NME9: variants seen among roughly 807,000 people sequenced by gnomAD.
NME9 encodes thioredoxin domain-containing protein 6.
A neutral mutation model predicts 44.4 loss-of-function variants in NME9; 48 were observed. That is an observed-to-expected ratio of 1.08 (90% CI 0.86 to 1.37). The LOEUF (loss-of-function observed/expected upper bound fraction) is 1.37, where lower values mean the gene tolerates loss of function less well. Among genes scored for constraint, NME9 ranks in the 40% most tolerant of loss-of-function variants. The probability of loss-of-function intolerance (pLI) is 0.00; values close to 1 mark genes in which losing one functional copy is unlikely to be tolerated. For synonymous variants in NME9, 139 were observed against 147.1 expected, an observed-to-expected ratio of 0.94 and a Z score of 0.40; for missense variants, 325 against 405.2, an observed-to-expected ratio of 0.80 and a Z score of 1.70.
chr3:138,328,984 A>G (rs2053962718), intron 1 of NME9, among the ~76,000 whole-genome samples: 1 of 152,224 alleles, frequency 6.6e-6, no homozygotes. Context: ...ACATCGAGTT[A>G]TGTTGATTCG....
At chr3:138,289,443 G>T (rs1291062488) in intron 8 of NME9, among the ~76,000 whole-genome samples, 1 of 152,212 alleles carries the variant, frequency 6.6e-6, no homozygotes, top group Non-Finnish European at 1.5e-5. Context: ...GAGAGAGTGG[G>T]TGGGAGGATG....
intron 10 of NME9, among the ~76,000 whole-genome samples, 196 bp from the exon 11 acceptor site, chr3:138,301,900 T>TG: frequency 6.6e-6 from 1 of 152,248 alleles, no homozygotes; most frequent in Non-Finnish European, 1.5e-5. Context: ...TTGTGTCAGA[T>TG]GCCAGACCAA....
intron 8 of NME9, among the ~76,000 whole-genome samples, chr3:138,287,117 A>G (rs945902475): frequency 2.0e-5 from 3 of 152,114 alleles, no homozygotes; most frequent in Non-Finnish European, 4.4e-5. Flanking sequence ...TGTCACTCCA[A>G]TCCCTTCAGC....
chr3:138,315,442 G>A, intron 5 of NME9, 85 bp downstream of exon 5: 3 of 888,464 alleles, frequency 3.4e-6, no homozygotes, highest in Non-Finnish European at 5.3e-6. Context: ...CTCCAGGAAA[G>A]TCAGGTGAAG....
Position 138,329,306 on chromosome 3 carries a change from C to T in NME9, c.30G>A (p.Leu10=), listed in dbSNP as rs2053982162. 1 of 1,536,072 alleles carries T rather than the reference C, an allele frequency of 6.5e-7. No homozygotes were observed. The part of the protein sequence containing the change: MGSRKKEIA[L]QVNISTQELW... ...GCTAGCGCCCCTTGAGGCTTACCTG[C>T]AGGGCAATTTCCTTCTTCCTGCTGC... The change falls in exon 1 of 11, where the codon CTG becomes CTA. Residue 10 remains leucine (L), a synonymous_variant. Transcript: ENST00000333911.
At chr3:138,270,688 A>G (rs1560023111) in intron 8 of NME9, among the ~76,000 whole-genome samples, 1 of 152,146 alleles carries the variant, frequency 6.6e-6, no homozygotes, top group Non-Finnish European at 1.5e-5. Context: ...ATATTTAACC[A>G]TTTTTTGCAG....
At chr3:138,288,200 G>T (rs1014016231) in intron 8 of NME9, among the ~76,000 whole-genome samples, 2 of 152,170 alleles carry the variant, frequency 1.3e-5, no homozygotes, top group African/African-American at 4.8e-5. Flanking sequence ...TTGTGTGTGT[G>T]TGAAAGTCTA....
chr3:138,274,386 G>A lies in NME9; in HGVS notation c.746-11800C>T, dbSNP rs2049075063. The A allele has an allele frequency of 1.2e-5, 13 of 1,080,398 alleles. No individual in the cohort carries two copies. In the East Asian group the frequency reaches 3.1e-4, roughly 26 times the overall value. The allele number at this position is 1,080,398 out of a possible 1,614,324, so 66.9% of individuals were successfully genotyped here. A position where few individuals can be genotyped will look rare whatever the true frequency, so the allele number is the denominator to read the frequency against. On this transcript the variant is annotated intron_variant, in intron 8 of 8. Coordinates refer to the NME9 transcript ENST00000317876. ...AATCATATTGTTTTAACTTTTAGAAGCCTTGTATTCGTCCTGTGGTCTTTG... is the reference window on the plus strand; with the variant it reads ...AATCATATTGTTTTAACTTTTAGAAACCTTGTATTCGTCCTGTGGTCTTTG...
downstream of NME9, among the ~76,000 whole-genome samples, chr3:138,300,636 G>A (rs572019744): frequency 6.6e-6 from 1 of 152,338 alleles, no homozygotes; most frequent in South Asian, 2.1e-4. Context: ...GCTAAGCCAG[G>A]CAATTCAGTG....
chr3:138,283,873 A>G (rs1197743954), intron 8 of NME9, among the ~76,000 whole-genome samples: 2 of 152,118 alleles, frequency 1.3e-5, no homozygotes, highest in Non-Finnish European at 2.9e-5. Context: ...TTCCCCTAAC[A>G]GGGTTCAAAA....
intron 2 of NME9, among the ~76,000 whole-genome samples, chr3:138,323,172 T>C (rs2053572388): frequency 6.6e-6 from 1 of 152,110 alleles, no homozygotes; most frequent in Admixed American, 6.6e-5. Context: ...TCCCAGCACT[T>C]TGGGAGGCCC....
chr3:138,295,453 C>T (rs1217292130), intron 8 of NME9, among the ~76,000 whole-genome samples: 2 of 152,216 alleles, frequency 1.3e-5, no homozygotes, highest in African/African-American at 4.8e-5. Flanking sequence ...CTTCCCAGAA[C>T]CCTAAGTGTT....
intron 8 of NME9, among the ~76,000 whole-genome samples, chr3:138,275,837 T>C (rs1243222269): frequency 6.6e-6 from 1 of 152,230 alleles, no homozygotes; most frequent in East Asian, 1.9e-4. Context: ...GTGATATCTC[T>C]TAAAATTTTT....
downstream of NME9, among the ~76,000 whole-genome samples, chr3:138,300,408 C>A (rs1446336751): frequency 6.6e-6 from 1 of 152,196 alleles, no homozygotes; most frequent in Non-Finnish European, 1.5e-5. Flanking sequence ...AACCTCAAGT[C>A]ATGGACAAAA....
Position 138,262,457 on chromosome 3 carries a change from TTCTTC to T in NME9, c.*78_*82del. On this transcript the variant is annotated 3_prime_UTR_variant, in exon 9 of 9. Transcript: ENST00000317876. ...GATCATTGTTAATTTCAACAATATT[TTCTTC>T]TCTTCTTGTTTGGCTGAAACATCCT... is the stretch of plus-strand genomic sequence containing the variant. The T allele has an allele frequency of 9.5e-6, 14 of 1,473,502 alleles. No homozygotes were observed. The South Asian group carries it at 9.8e-5, about 10-fold the overall frequency. The allele number at this position is 1,473,502 out of a possible 1,614,324, so 91.3% of individuals were successfully genotyped here. A position where few individuals can be genotyped will look rare whatever the true frequency, so the allele number is the denominator to read the frequency against.
intron 8 of NME9, among the ~76,000 whole-genome samples, chr3:138,291,127 C>T (rs994954617): frequency 4.6e-5 from 7 of 152,228 alleles, no homozygotes; most frequent in African/African-American, 1.4e-4. Context: ...CAGCTAACCT[C>T]AAAATAGCCA....
At chr3:138,319,451 T>A (rs912639095) in intron 3 of NME9, 27 bp downstream of exon 3, 6 of 1,253,986 alleles carry the variant, frequency 4.8e-6, no homozygotes, top group Non-Finnish European at 7.0e-6. Context: ...CAATGTTGTA[T>A]GACTGTTGGC....
At chr3:138,290,469 C>A in intron 8 of NME9, 2 of 1,076,052 alleles carry the variant, frequency 1.9e-6, no homozygotes, top group Non-Finnish European at 2.8e-6. Flanking sequence ...ACTGGTAAGG[C>A]TCTAGATTGT....
chr3:138,284,998 A>G (rs373360528), intron 8 of NME9, among the ~76,000 whole-genome samples: 1 of 152,244 alleles, frequency 6.6e-6, no homozygotes, highest in Non-Finnish European at 1.5e-5. Context: ...GTGGGTATCA[A>G]AAAGCCCTCC....
Sources: allele counts gnomAD v4.1 joint callset (sites outside exome capture counted in the v4.1 genomes callset), GRCh38; gene constraint gnomAD v4.1.1; transcripts MANE v1.5; gene names NCBI Gene and HGNC (gene_info 2026-07-23, HGNC 2026-07-21).